VPS33A: variants seen among roughly 807,000 people sequenced by gnomAD.
VPS33A encodes the protein VPS33A core subunit of CORVET and HOPS complexes.
VPS33A carries 32 observed loss-of-function variants against 71.8 expected under a neutral mutation model. The observed-to-expected ratio is 0.45, with a 90% CI of 0.34 to 0.60. VPS33A has a LOEUF of 0.60. VPS33A is among the 20% of genes least tolerant of loss of function. VPS33A has a pLI of 0.02. For missense variants in VPS33A, 625 were observed against 748.5 expected, an observed-to-expected ratio of 0.84 and a Z score of 1.92; for synonymous variants, 311 against 292.7, an observed-to-expected ratio of 1.06 and a Z score of -0.64.
intron 5 of VPS33A, 29 bp from the exon 6 acceptor site, chr12:122,250,074 GC>G (rs752030213): frequency 1.1e-5 from 17 of 1,564,660 alleles, no homozygotes; most frequent in Admixed American, 5.9e-5. Context: ...ATGAGGTGGG[GC>G]CCCCCTGGGA....
intron 4 of VPS33A, among the ~76,000 whole-genome samples, chr12:122,260,017 T>G (rs1176056185): frequency 2.0e-5 from 3 of 151,988 alleles, no homozygotes; most frequent in African/African-American, 7.3e-5. Flanking sequence ...CACTCCAACC[T>G]GGGCAAAAGA....
intron 7 of VPS33A, among the ~76,000 whole-genome samples, chr12:122,244,360 C>A (rs942777155): frequency 3.9e-5 from 6 of 152,210 alleles, no homozygotes; most frequent in Non-Finnish European, 5.9e-5. Flanking sequence ...ACCCTCCACA[C>A]AAAAAGAACT....
chr12:122,261,462 A>G lies in VPS33A; in HGVS notation c.297-15T>C. The G allele has an allele frequency of 6.2e-6, 10 of 1,612,292 alleles. No homozygotes were observed. The highest frequency in any genetic ancestry group is 8.5e-6 in the Non-Finnish European group (10 of 1,179,590). ...GTCTATCTTCACTGCAAAGGAAGCA[A>G]CATTTGTTAGCTTATGAGCTCCTAA... On this transcript the variant is annotated splice_polypyrimidine_tract_variant and intron_variant, in intron 3 of 12. Transcript: ENST00000267199.
chr12:122,249,589 T>C, intron 6 of VPS33A: 1 of 235,386 alleles, frequency 4.2e-6, no homozygotes, highest in Non-Finnish European at 8.1e-6. Flanking sequence ...GGTAAGAAAA[T>C]GGAAATCGAA....
intron 4 of VPS33A, among the ~76,000 whole-genome samples, chr12:122,258,293 G>A (rs1314235870): frequency 6.6e-6 from 1 of 151,982 alleles, no homozygotes; most frequent in East Asian, 1.9e-4. Flanking sequence ...CCTGGGGTAG[G>A]CAATGGCTTC....
Position 122,231,721 on chromosome 12 carries a change from G to T in VPS33A, c.*525C>A. 1 of 167,134 alleles carries T rather than the reference G, an allele frequency of 6.0e-6. No homozygotes were observed. The highest frequency in any genetic ancestry group is 1.3e-5 in the Non-Finnish European group (1 of 78,090). 10.4% of individuals were successfully genotyped at this position (167,134 alleles called of 1,614,324 possible). On this transcript the variant is annotated 3_prime_UTR_variant, in exon 13 of 13. Coordinates refer to ENST00000267199, the MANE Select transcript of VPS33A (RefSeq NM_022916.6). ...TGAGCTTAGAAAACTCAAAACCAGT[G>T]CTGCTTTTACTCAGGTTGATTTTCT...
intron 3 of VPS33A, 87 bp downstream of exon 3, chr12:122,263,485 G>C (rs1425600848): frequency 6.9e-7 from 1 of 1,452,866 alleles, no homozygotes; most frequent in Non-Finnish European, 9.2e-7. Context: ...ACTGGCAAGA[G>C]TGAGGGTCTT....
At chr12:122,262,603 CTT>C (rs5801474) in intron 3 of VPS33A, among the ~76,000 whole-genome samples, 28 of 138,438 alleles carry the variant, frequency 2.0e-4, no homozygotes, top group Admixed American at 2.2e-4. Context: ...ATTTAATCAG[CTT>C]TTTTTTTTTT....
chr12:122,250,899 T>C, intron 5 of VPS33A, 84 bp downstream of exon 5: 1 of 951,996 alleles, frequency 1.1e-6, no homozygotes. Context: ...TCAACTGAAT[T>C]TGTTTGTAAG....
chr12:122,232,689 G>T, intron 12 of VPS33A, 111 bp downstream of exon 12: 1 of 1,350,100 alleles, frequency 7.4e-7, no homozygotes. Flanking sequence ...CAAAAGAGGT[G>T]TATTTAATTC....
chr12:122,252,171 C>T (rs1954853737), intron 4 of VPS33A, among the ~76,000 whole-genome samples: 1 of 152,136 alleles, frequency 6.6e-6, no homozygotes, highest in Admixed American at 6.5e-5. Context: ...GCAGGAGGAT[C>T]ACCGGAGCCC....
intron 4 of VPS33A, 133 bp from the exon 5 acceptor site, chr12:122,251,232 G>A (rs1954840036): frequency 3.1e-6 from 2 of 652,826 alleles, no homozygotes; most frequent in South Asian, 1.9e-5. Flanking sequence ...AGGAAAATTG[G>A]GGACTCAAGT....
At chr12:122,251,644 G>A (rs1954844771) in intron 4 of VPS33A, among the ~76,000 whole-genome samples, 1 of 151,984 alleles carries the variant, frequency 6.6e-6, no homozygotes, top group South Asian at 2.1e-4. Context: ...ATTGAAAAAA[G>A]GACCTCCAAC....
At chr12:122,263,825 C>T (rs962799617) in intron 2 of VPS33A, 126 bp from the exon 3 acceptor site, 2 of 1,215,258 alleles carry the variant, frequency 1.6e-6, no homozygotes, top group East Asian at 2.5e-5. Context: ...ATTTAGATTC[C>T]CTCAAAGCCA....
Position 122,244,603 on chromosome 12 carries a change from C to T in VPS33A, c.935G>A (p.Ser312Asn). ...TGCAGAGATGATCTTTGCTTTCTTG[C>T]TGAGCACAGAGCCAACTGCGTTGAA... ...KNFNAVGSVL[S>N]KKAKIISAAF... The change falls in exon 7 of 13, where the codon AGC becomes AAC. Residue 312 changes from serine to asparagine, a missense_variant. Transcript: ENST00000267199. 6.2e-7 allele frequency: 1 copy of T among 1,611,548 alleles called. No individual in the cohort carries two copies.
At chr12:122,260,158 G>C (rs1277091010) in intron 4 of VPS33A, among the ~76,000 whole-genome samples, 1 of 152,108 alleles carries the variant, frequency 6.6e-6, no homozygotes, top group Non-Finnish European at 1.5e-5. Flanking sequence ...ACTGGGCATG[G>C]GGATTCTTTT....
chr12:122,229,591 G>T lies in VPS33A; in HGVS notation c.*2655C>A, dbSNP rs1954533464. The T allele has an allele frequency of 6.6e-6, 1 of 152,018 alleles. No homozygotes were observed. The highest frequency in any genetic ancestry group is 1.9e-4 in the East Asian group (1 of 5,180). 9.4% of individuals were successfully genotyped at this position (152,018 alleles called of 1,614,324 possible). Reference sequence around the variant, plus strand: ...TCTGTGTAGACTTCTTTATTAAGGGGGCTGCTGGTGTAGAACTGTCTACCC... The same window carrying T: ...TCTGTGTAGACTTCTTTATTAAGGGTGCTGCTGGTGTAGAACTGTCTACCC... On this transcript the variant is annotated 3_prime_UTR_variant, in exon 13 of 13. Transcript: ENST00000267199.
At position 122,238,916 on chromosome 12, in the gene VPS33A, G is replaced by A. The variant is rs534925349; in HGVS notation, c.1165-192C>T. Among the ~76,000 whole-genome samples the A allele has an allele frequency of 2.0e-3, 293 of 148,188 alleles. 1 individual carries two copies. Among genetic ancestry groups the A allele is most frequent in the African/African-American group, 6.9e-3 (275 of 39,904 alleles). ...TTTCCACAGTCCCTAACCCTTCCCC[G>A]AAATAGCTCTGCTAGCCCCAGCCAC... On this transcript the variant is annotated intron_variant, in intron 9 of 12. Coordinates refer to ENST00000267199, the MANE Select transcript of VPS33A (RefSeq NM_022916.6).
intron 1 of VPS33A, among the ~76,000 whole-genome samples, chr12:122,265,326 G>C (rs936725955): frequency 6.6e-6 from 1 of 152,062 alleles, no homozygotes. Context: ...CTCCAACCTA[G>C]GACTTTTTGA....
Sources: gnomAD v4.1 joint callset for allele counts (sites outside exome capture counted in the v4.1 genomes callset) on GRCh38, gnomAD v4.1.1 for gene constraint, MANE v1.5 for transcripts, NCBI Gene and HGNC (gene_info 2026-07-23, HGNC 2026-07-21) for gene names.